Variants in KIF13A observed in about 807,000 individuals in gnomAD.
KIF13A encodes the protein kinesin family member 13A.
A neutral mutation model predicts 212.2 loss-of-function variants in KIF13A; 79 were observed. The observed-to-expected ratio is 0.37, with a 90% CI of 0.31 to 0.45. KIF13A has a LOEUF of 0.45. Among genes scored for constraint, KIF13A ranks in the 20% least tolerant of loss-of-function variants. KIF13A has a pLI of 1.00. For missense variants in KIF13A, 1,901 were observed against 2,209.0 expected, an observed-to-expected ratio of 0.86 and a Z score of 2.79; for synonymous variants, 789 against 808.6, an observed-to-expected ratio of 0.98 and a Z score of 0.41.
At chr6:17,946,574 A>G (rs565473902) in intron 2 of KIF13A, among the ~76,000 whole-genome samples, 1 of 152,322 alleles carries the variant, frequency 6.6e-6, no homozygotes, top group African/African-American at 2.4e-5. Flanking sequence ...GCAAATTAAA[A>G]CCACAATAAA....
chr6:17,914,025 C>T lies in KIF13A; in HGVS notation c.147-15845G>A, dbSNP rs1018844081. Among the ~76,000 whole-genome samples, 1 of 152,104 alleles carries T rather than the reference C, an allele frequency of 6.6e-6. No individual in the cohort carries two copies. Among genetic ancestry groups the T allele is most frequent in the Admixed American group, 6.6e-5 (1 of 15,264 alleles). On this transcript the variant is annotated intron_variant, in intron 2 of 38. Coordinates refer to ENST00000259711, the MANE Select transcript of KIF13A (RefSeq NM_022113.6). The surrounding 1 kb of genome is among the most constrained non-coding windows in gnomAD (Gnocchi z 5.9). The stretch of plus-strand genomic sequence containing the variant: ...ACCTTCCTTTAGAGGTCACATGCCA[C>T]GATACCTCCCTCCCCTCAACACTTA...
At chr6:17,894,502 G>C (rs1372403850) in intron 3 of KIF13A, among the ~76,000 whole-genome samples, 1 of 151,872 alleles carries the variant, frequency 6.6e-6, no homozygotes, top group South Asian at 2.1e-4. Flanking sequence ...TCATAATCAT[G>C]ACTTTTTTTT....
chr6:17,898,279 G>A lies in KIF13A; in HGVS notation c.147-99C>T. The A allele has an allele frequency of 8.6e-7, 1 of 1,163,508 alleles. No homozygotes were observed. Among genetic ancestry groups the A allele is most frequent in the South Asian group, 1.4e-5 (1 of 73,256 alleles). The allele number at this position is 1,163,508 out of a possible 1,614,324, so 72.1% of individuals were successfully genotyped here. ...AAACAATGAAAGAGAAAAAAATAAG[G>A]TAAATTCAGCACCTTGATAACATGA... On this transcript the variant is annotated intron_variant, in intron 2 of 38. Transcript: ENST00000259711. The surrounding 1 kb of genome is among the most constrained non-coding windows in gnomAD (Gnocchi z 5.2).
At chr6:17,859,391 A>C (rs1768477706) in intron 4 of KIF13A, among the ~76,000 whole-genome samples, 1 of 151,594 alleles carries the variant, frequency 6.6e-6, no homozygotes, top group Non-Finnish European at 1.5e-5. Context: ...TGGCTTGAGG[A>C]GAGGAGTTCA....
At chr6:17,818,450 GAT>G (rs1764143682) in intron 16 of KIF13A, among the ~76,000 whole-genome samples, 1 of 152,140 alleles carries the variant, frequency 6.6e-6, no homozygotes. Flanking sequence ...AAGAGAAAAA[GAT>G]AGCATGTTAG....
intron 2 of KIF13A, among the ~76,000 whole-genome samples, chr6:17,959,214 A>G (rs893492568): frequency 2.0e-5 from 3 of 152,214 alleles, no homozygotes; most frequent in Non-Finnish European, 2.9e-5. Context: ...CGTGCTAGGT[A>G]TACAATGACA....
chr6:17,825,779 A>G lies in KIF13A; in HGVS notation c.1775T>C (p.Leu592Pro). The G allele has an allele frequency of 6.2e-7, 1 of 1,613,692 alleles. No homozygotes were observed. ...FAQMEVIMKT[L>P]NSNDPVQNVV... Reference sequence around the variant, plus strand: ...AGTGAGGGTCTTACCATTACTATTCAGGGTTTTCATGATAACTTCCATCTG... The same window carrying G: ...AGTGAGGGTCTTACCATTACTATTCGGGGTTTTCATGATAACTTCCATCTG... The change falls in exon 16 of 39, where the codon CTG becomes CCG. Residue 592 changes from leucine to proline, a missense_variant. By Grantham distance (98) the Leu-to-Pro change is moderately conservative. This residue lies in a region of KIF13A where 534 missense variants were observed against 536.9 expected (regional missense o/e 0.99). Transcript: ENST00000259711. This position sits in a 1 kb window ranked among gnomAD's most constrained non-coding sequence, Gnocchi z 4.5.
At position 17,801,110 on chromosome 6, in the gene KIF13A, C is replaced by T. The variant is rs542367607; in HGVS notation, c.2455-997G>A. On this transcript the variant is annotated intron_variant, in intron 20 of 38. Transcript: ENST00000259711. The stretch of plus-strand genomic sequence containing the variant: ...ATGCTTCATTCACTTATTCATTTGA[C>T]CAAACAGCTAGCTCATGAAATACCA... 1.3e-4 allele frequency among the ~76,000 whole-genome samples: 20 copies of T among 152,168 alleles called. No homozygotes were observed. In the South Asian group the frequency reaches 1.5e-3, roughly 11 times the overall value.
chr6:17,963,123 G>C lies in KIF13A; in HGVS notation c.146+23931C>G, dbSNP rs1472110098. ...ATGGAAGTGAGGTGAGGGAGTAAGA[G>C]TGTCATGTGAAAGGCTGGGTGCGGT... On this transcript the variant is annotated intron_variant, in intron 2 of 38. Transcript: ENST00000259711. This position sits in a 1 kb window ranked among gnomAD's most constrained non-coding sequence, Gnocchi z 4.1. Among the ~76,000 whole-genome samples, 1 of 152,176 alleles carries C rather than the reference G, an allele frequency of 6.6e-6. No individual in the cohort carries two copies.
In KIF13A at chr6:17,826,759, T is replaced by C. The variant is rs1242410164; in HGVS notation, c.1533-635A>G. On this transcript the variant is annotated intron_variant, in intron 14 of 38. Transcript: ENST00000259711. The surrounding 1 kb of genome is among the most constrained non-coding windows in gnomAD (Gnocchi z 4.7). Reference sequence around the variant, plus strand: ...CAACTGGGGAAATCTGAACACTGACTGGCTATATGAAGATTAGTAACGAAT... The same window carrying C: ...CAACTGGGGAAATCTGAACACTGACCGGCTATATGAAGATTAGTAACGAAT... 1.3e-5 allele frequency among the ~76,000 whole-genome samples: 2 copies of C among 152,198 alleles called. No individual in the cohort carries two copies. The highest frequency in any genetic ancestry group is 2.4e-5 in the African/African-American group (1 of 41,446).
rs1428232039 is a variant in KIF13A at position 17,977,105 on chromosome 6, A to AAAC, written c.146+9946_146+9948dup. On this transcript the variant is annotated intron_variant, in intron 2 of 38. Coordinates refer to ENST00000259711, the MANE Select transcript of KIF13A (RefSeq NM_022113.6). Reference sequence around the variant, plus strand: ...AAACAGAGCGAGACTCCGTCTCAAAAAACAACAACAAAAAAAAAAAAAAAA... The same window carrying AAAC: ...AAACAGAGCGAGACTCCGTCTCAAAAAACAACAACAACAAAAAAAAAAAAAAAA... 9.2e-5 allele frequency among the ~76,000 whole-genome samples: 11 copies of AAAC among 119,930 alleles called. No homozygotes were observed. In the East Asian group the frequency reaches 1.2e-3, roughly 13 times the overall value. 78.7% of individuals were successfully genotyped at this position (119,930 alleles called of 152,430 possible).
intron 26 of KIF13A, among the ~76,000 whole-genome samples, chr6:17,788,974 C>T (rs1241869442): frequency 1.3e-5 from 2 of 152,142 alleles, no homozygotes; most frequent in Non-Finnish European, 2.9e-5. Context: ...CCACCTGCCT[C>T]GGCCTCCCAA....
intron 26 of KIF13A, among the ~76,000 whole-genome samples, chr6:17,788,991 G>A (rs916770580): frequency 2.0e-5 from 3 of 152,166 alleles, no homozygotes; most frequent in East Asian, 1.9e-4. Flanking sequence ...CCAAAGTGCT[G>A]GGATTACAGG....
Position 17,963,989 on chromosome 6 carries a change from T to C in KIF13A, c.146+23065A>G, listed in dbSNP as rs772700670. 4.6e-5 allele frequency among the ~76,000 whole-genome samples: 7 copies of C among 152,204 alleles called. No homozygotes were observed. The highest frequency in any genetic ancestry group is 1.3e-4 in the Admixed American group (2 of 15,282). Reference sequence around the variant, plus strand: ...CACCTCAGCTAGGCACAATGGGTCATGCTTGTAATTCCAGCACTTTGGAAG... The same window carrying C: ...CACCTCAGCTAGGCACAATGGGTCACGCTTGTAATTCCAGCACTTTGGAAG... On this transcript the variant is annotated intron_variant, in intron 2 of 38. Coordinates refer to ENST00000259711, the MANE Select transcript of KIF13A (RefSeq NM_022113.6). This position sits in a 1 kb window ranked among gnomAD's most constrained non-coding sequence, Gnocchi z 4.1.
chr6:17,764,328 A>G lies in KIF13A; in HGVS notation c.5200T>C (p.Ser1734Pro). The change falls in exon 39 of 39, where the codon TCT becomes CCT. Residue 1734 changes from serine (S) to proline (P), a missense_variant. Transcript: ENST00000259711. This position sits in a 1 kb window ranked among gnomAD's most constrained non-coding sequence, Gnocchi z 5.1. ...EHTTNILEDH[S>P]FTEFMGVSEG... is the part of the protein sequence containing the mutation. ...GACACTCCCATAAATTCTGTGAAAG[A>G]ATGGTCTTCAAGGATGTTGGTGGTG... The G allele has an allele frequency of 6.2e-7, 1 of 1,613,954 alleles. No homozygotes were observed. Among genetic ancestry groups the G allele is most frequent in the Non-Finnish European group, 8.5e-7 (1 of 1,179,886 alleles).
chr6:17,848,558 C>CTTTT (rs66477046), intron 9 of KIF13A, among the ~76,000 whole-genome samples: 26 of 68,890 alleles, frequency 3.8e-4, no homozygotes, highest in African/African-American at 7.7e-4. Context: ...ACTCGTACAT[C>CTTTT]TTTTTTTTTT....
At chr6:17,820,623 AT>A (rs1343732093) in intron 16 of KIF13A, among the ~76,000 whole-genome samples, 1 of 152,178 alleles carries the variant, frequency 6.6e-6, no homozygotes, top group African/African-American at 2.4e-5. Flanking sequence ...TATTTTTCCT[AT>A]CATTTTCCTT....
Position 17,787,608 on chromosome 6 carries a change from G to T in KIF13A, c.3361+168C>A, listed in dbSNP as rs1161575381. Among the ~76,000 whole-genome samples the T allele has an allele frequency of 6.6e-6, 1 of 152,068 alleles. No homozygotes were observed. Among genetic ancestry groups the T allele is most frequent in the African/African-American group, 2.4e-5 (1 of 41,398 alleles). On this transcript the variant is annotated intron_variant, in intron 27 of 38. Coordinates refer to ENST00000259711, the MANE Select transcript of KIF13A (RefSeq NM_022113.6). The surrounding 1 kb of genome is among the most constrained non-coding windows in gnomAD (Gnocchi z 4.6). ...AGAGGCTGCAGTGAGATATGATCCT[G>T]CCACTGCACTCCAGCTTGGGTGACA...
At position 17,871,621 on chromosome 6, in the gene KIF13A, G is replaced by A. The variant is rs9477547; in HGVS notation, c.220+1756C>T. Among the ~76,000 whole-genome samples the A allele has an allele frequency of 0.035, 5,322 of 152,186 alleles. 321 individuals are homozygous for A. Among genetic ancestry groups the A allele is most frequent in the African/African-American group, 0.12 (5,061 of 41,474 alleles). On this transcript the variant is annotated intron_variant, in intron 4 of 38. Transcript: ENST00000259711. This position sits in a 1 kb window ranked among gnomAD's most constrained non-coding sequence, Gnocchi z 4.4. ...GAGAGGAACCAACAACAGACACTGGGCTGAGGCACTGAATGAGTGGTGAGA... is the reference window on the plus strand; with the variant it reads ...GAGAGGAACCAACAACAGACACTGGACTGAGGCACTGAATGAGTGGTGAGA...
Sources: gnomAD v4.1 joint callset for allele counts (sites outside exome capture counted in the v4.1 genomes callset) on GRCh38, gnomAD v4.1.1 for gene constraint, gnomAD v4.1.1 regional missense constraint, Gnocchi (gnomAD v3.1) non-coding constraint, MANE v1.5 for transcripts, NCBI Gene and HGNC (gene_info 2026-07-23, HGNC 2026-07-21) for gene names.